Variants in GFOD1 observed in about 807,000 individuals in gnomAD.
GFOD1 encodes glucose-fructose oxidoreductase domain-containing protein 1.
A neutral mutation model predicts 25.4 loss-of-function variants in GFOD1; 9 were observed. That is an observed-to-expected ratio of 0.35 (90% CI 0.21 to 0.62). The LOEUF is 0.62. Among genes scored for constraint, GFOD1 ranks in the 20% least tolerant of loss-of-function variants. The pLI, the probability that GFOD1 is intolerant of heterozygous loss-of-function variation, is 0.72. For synonymous variants in GFOD1, 253 were observed against 245.6 expected, an observed-to-expected ratio of 1.03 and a Z score of -0.28; for missense variants, 403 against 556.9, an observed-to-expected ratio of 0.72 and a Z score of 2.78.
At chr6:13,469,391 T>C in intron 1 of GFOD1, 1 of 985,340 alleles carries the variant, frequency 1.0e-6, no homozygotes. Context: ...TCCTGTGGGA[T>C]ACATGCAGTC....
At chr6:13,390,506 C>T (rs545953720) in intron 1 of GFOD1, among the ~76,000 whole-genome samples, 2 of 148,020 alleles carry the variant, frequency 1.4e-5, no homozygotes, top group Non-Finnish European at 3.0e-5. Context: ...TAGGAGGATT[C>T]CTTGAACCCA....
intron 1 of GFOD1, among the ~76,000 whole-genome samples, chr6:13,415,723 G>A (rs542598142): frequency 6.6e-6 from 1 of 152,232 alleles, no homozygotes; most frequent in South Asian, 2.1e-4. Flanking sequence ...ACGTAGAAAT[G>A]GTTAAATGAG....
intron 1 of GFOD1, among the ~76,000 whole-genome samples, chr6:13,426,578 A>G (rs2127569341): frequency 6.6e-6 from 1 of 152,186 alleles, no homozygotes; most frequent in African/African-American, 2.4e-5. Flanking sequence ...TCTACCCCCT[A>G]AGAAGGTGAA....
At position 13,365,310 on chromosome 6, in the gene GFOD1, G is replaced by A. The variant is rs1785020827; in HGVS notation, c.606C>T (p.Phe202=). The A allele has an allele frequency of 5.6e-6, 9 of 1,614,216 alleles. No homozygotes were observed. In the East Asian group the frequency reaches 1.1e-4, roughly 20 times the overall value. The part of the protein sequence containing the change: ...AVKVHGLLKT[F]VKQTDHIKGI... Reference sequence around the variant, plus strand: ...CCTTGATGTGGTCAGTCTGCTTCACGAAGGTCTTGAGCAGCCCGTGGACCT... The same window carrying A: ...CCTTGATGTGGTCAGTCTGCTTCACAAAGGTCTTGAGCAGCCCGTGGACCT... The change falls in exon 2 of 2, where the codon TTC becomes TTT. Residue 202 remains phenylalanine, a synonymous_variant. Transcript: ENST00000379287. The surrounding 1 kb of genome is among the most constrained non-coding windows in gnomAD (Gnocchi z 9.2).
chr6:13,381,502 T>C (rs1785361412), intron 1 of GFOD1, among the ~76,000 whole-genome samples: 1 of 152,202 alleles, frequency 6.6e-6, no homozygotes, highest in Non-Finnish European at 1.5e-5. Flanking sequence ...CCCTTCTACA[T>C]CCTGGGGATG....
chr6:13,462,927 G>A (rs9382117), intron 1 of GFOD1, among the ~76,000 whole-genome samples: 23,406 of 152,134 alleles, frequency 0.15, 2,040 homozygotes, highest in South Asian at 0.26. Flanking sequence ...TAAAAGTGAA[G>A]CATCTCCTGT....
At chr6:13,407,399 A>C (rs1410870365) in intron 1 of GFOD1, among the ~76,000 whole-genome samples, 1 of 152,146 alleles carries the variant, frequency 6.6e-6, no homozygotes, top group Non-Finnish European at 1.5e-5. Flanking sequence ...TTACACCCCT[A>C]CCAGCTCCCG....
At chr6:13,400,508 C>CTGAT (rs1439262124) in intron 1 of GFOD1, among the ~76,000 whole-genome samples, 1 of 152,230 alleles carries the variant, frequency 6.6e-6, no homozygotes, top group Non-Finnish European at 1.5e-5. Flanking sequence ...CAGGAAAATG[C>CTGAT]TGATACAAGA....
intron 1 of GFOD1, among the ~76,000 whole-genome samples, chr6:13,465,099 C>G (rs1758356537): frequency 6.6e-6 from 1 of 152,056 alleles, no homozygotes; most frequent in South Asian, 2.1e-4. Context: ...CAAACAATTA[C>G]TAAGCTTTGT....
chr6:13,470,050 T>G, intron 1 of GFOD1: 1 of 1,377,212 alleles, frequency 7.3e-7, no homozygotes, highest in Non-Finnish European at 9.7e-7. Flanking sequence ...TCCTTACACA[T>G]TGTAGCCACT....
intron 1 of GFOD1, among the ~76,000 whole-genome samples, chr6:13,428,457 G>T (rs1453701828): frequency 6.6e-6 from 1 of 152,162 alleles, no homozygotes; most frequent in Non-Finnish European, 1.5e-5. Flanking sequence ...CAGTGGAAAC[G>T]CAAACTTGAC....
rs777772483 is a variant in GFOD1, at chr6:13,486,619, C to T, written c.253+19G>A. ...AAGGGCGGGGGTGGGACGGAGGATGCGGGGTAGGGGTCGCTCACCTAGGGT... is the reference window on the plus strand; with the variant it reads ...AAGGGCGGGGGTGGGACGGAGGATGTGGGGTAGGGGTCGCTCACCTAGGGT... On this transcript the variant is annotated intron_variant, in intron 1 of 1. Transcript: ENST00000379287. 5.0e-6 allele frequency: 8 copies of T among 1,601,984 alleles called. No homozygotes were observed. The highest frequency in any genetic ancestry group is 6.8e-6 in the Non-Finnish European group (8 of 1,173,444).
chr6:13,387,611 C>T (rs748560371), intron 1 of GFOD1, among the ~76,000 whole-genome samples: 8 of 152,114 alleles, frequency 5.3e-5, no homozygotes, highest in Non-Finnish European at 8.8e-5. Context: ...ATTGATGGAA[C>T]GTATCTCAAA....
At chr6:13,396,940 T>C (rs1221657733) in intron 1 of GFOD1, among the ~76,000 whole-genome samples, 1 of 152,212 alleles carries the variant, frequency 6.6e-6, no homozygotes, top group African/African-American at 2.4e-5. Flanking sequence ...GAAACTCATA[T>C]ACCTGGGGAT....
At chr6:13,388,082 A>T (rs530719623) in intron 1 of GFOD1, among the ~76,000 whole-genome samples, 43 of 152,362 alleles carry the variant, frequency 2.8e-4, no homozygotes, top group Non-Finnish European at 5.6e-4. Flanking sequence ...CTTCAAGGAG[A>T]ACTACAAACC....
At chr6:13,455,767 T>G (rs1432620777) in intron 1 of GFOD1, among the ~76,000 whole-genome samples, 2 of 152,218 alleles carry the variant, frequency 1.3e-5, no homozygotes, top group South Asian at 4.1e-4. Context: ...ATGACTTGCC[T>G]GCACTTAGGC....
At chr6:13,372,000 C>G (rs2127556062) in intron 1 of GFOD1, among the ~76,000 whole-genome samples, 1 of 152,350 alleles carries the variant, frequency 6.6e-6, no homozygotes, top group Middle Eastern at 3.4e-3. Flanking sequence ...CCACAAAGAC[C>G]AGGCAGCCCT....
chr6:13,482,213 T>C (rs2127579872), intron 1 of GFOD1, among the ~76,000 whole-genome samples: 1 of 148,650 alleles, frequency 6.7e-6, no homozygotes, highest in South Asian at 2.1e-4. Context: ...GATATAAATA[T>C]ACATAAATTT....
chr6:13,433,877 G>A lies in GFOD1; in HGVS notation c.253+52761C>T, dbSNP rs548991223. ...TCTCCCATTAAGGCTCCCTCAGCCC[G>A]TACAGATCACCTGTTCCAGTTCCCA... is the stretch of plus-strand genomic sequence containing the variant. On this transcript the variant is annotated intron_variant, in intron 1 of 1. Transcript: ENST00000379287. 9.5e-4 allele frequency among the ~76,000 whole-genome samples: 145 copies of A among 152,286 alleles called. 1 individual carries two copies. Among genetic ancestry groups the A allele is most frequent in the Admixed American group, 3.1e-3 (48 of 15,308 alleles).
Sources: gnomAD v4.1 joint callset for allele counts (sites outside exome capture counted in the v4.1 genomes callset) on GRCh38, gnomAD v4.1.1 for gene constraint, Gnocchi (gnomAD v3.1) non-coding constraint, MANE v1.5 for transcripts, NCBI Gene and HGNC (gene_info 2026-07-23, HGNC 2026-07-21) for gene names.